Variants in LGSN observed in about 807,000 individuals in gnomAD.
The protein encoded by LGSN is lengsin.
In LGSN, 21 loss-of-function variants were observed where a neutral mutation model predicts 19.5. That is an observed-to-expected ratio of 1.07 (90% CI 0.76 to 1.55). The LOEUF is 1.55. LGSN is among the 40% of genes most tolerant of loss of function. LGSN has a pLI of 0.00. For missense variants in LGSN, 673 were observed against 608.5 expected (o/e 1.11, Z -1.12); for synonymous variants, 257 against 215.6 (o/e 1.19, Z -1.68).
chr6:63,292,004 T>C (rs981119293), intron 2 of LGSN, among the ~76,000 whole-genome samples: 1 of 152,158 alleles, frequency 6.6e-6, no homozygotes, highest in African/African-American at 2.4e-5. Flanking sequence ...TGAGAAGGAT[T>C]TGAGGCATTG....
the LGSN span, among the ~76,000 whole-genome samples, chr6:63,572,996 G>C: frequency 2.0e-5 from 3 of 152,136 alleles, no homozygotes; most frequent in Admixed American, 2.0e-4. Context: ...GGAGCGACGG[G>C]GGCGGCGCGG....
At chr6:63,446,153 G>T in the LGSN span, among the ~76,000 whole-genome samples, 1 of 151,096 alleles carries the variant, frequency 6.6e-6, no homozygotes, top group East Asian at 1.9e-4. Context: ...AGGAGGCTGA[G>T]GCAGGAGAAT....
chr6:63,361,330 T>C, the LGSN span, among the ~76,000 whole-genome samples: 2 of 152,164 alleles, frequency 1.3e-5, no homozygotes, highest in Non-Finnish European at 2.9e-5. Flanking sequence ...GGCTGCTTTG[T>C]TTACCTACTC....
At chr6:63,515,219 T>G in the LGSN span, among the ~76,000 whole-genome samples, 1 of 32,956 alleles carries the variant, frequency 3.0e-5, no homozygotes, top group East Asian at 8.5e-4. Flanking sequence ...AAAAGTTTTT[T>G]TGTTTGTTTG....
the LGSN span, among the ~76,000 whole-genome samples, chr6:63,339,291 A>C: frequency 6.6e-6 from 1 of 152,158 alleles, no homozygotes; most frequent in Non-Finnish European, 1.5e-5. Flanking sequence ...CCTAACTGTA[A>C]TTGTATTGGA....
the LGSN span, among the ~76,000 whole-genome samples, chr6:63,409,604 T>A: frequency 6.6e-6 from 1 of 152,322 alleles, no homozygotes; most frequent in Admixed American, 6.5e-5. Flanking sequence ...AAGACAAAAA[T>A]TCTGATATTT....
chr6:63,354,480 G>C, the LGSN span, among the ~76,000 whole-genome samples: 1 of 152,006 alleles, frequency 6.6e-6, no homozygotes, highest in African/African-American at 2.4e-5. Context: ...TTATTAAAAA[G>C]ACAAAAATAT....
chr6:63,559,482 C>T, the LGSN span, among the ~76,000 whole-genome samples: 5 of 152,174 alleles, frequency 3.3e-5, no homozygotes, highest in African/African-American at 1.2e-4. Flanking sequence ...TGCAGTGGCT[C>T]ACACCTGTAA....
the LGSN span, among the ~76,000 whole-genome samples, chr6:63,442,391 C>T: frequency 3.3e-5 from 5 of 152,204 alleles, no homozygotes; most frequent in Admixed American, 1.3e-4. Context: ...CTTATCTGGC[C>T]CCACCCACAT....
At chr6:63,551,645 T>C in the LGSN span, among the ~76,000 whole-genome samples, 1 of 152,248 alleles carries the variant, frequency 6.6e-6, no homozygotes, top group Non-Finnish European at 1.5e-5. Context: ...CATTAACTTG[T>C]CGTTTACATT....
At chr6:63,434,721 CA>C in the LGSN span, among the ~76,000 whole-genome samples, 1 of 151,874 alleles carries the variant, frequency 6.6e-6, no homozygotes, top group Non-Finnish European at 1.5e-5. Context: ...ACCCAAAACC[CA>C]TTCCCCTCTC....
At chr6:63,499,414 G>A in the LGSN span, among the ~76,000 whole-genome samples, 1 of 152,122 alleles carries the variant, frequency 6.6e-6, no homozygotes, top group Non-Finnish European at 1.5e-5. Context: ...AATGGGAAGA[G>A]TAATCCCTAA....
the LGSN span, among the ~76,000 whole-genome samples, chr6:63,398,207 TAAAAA>T: frequency 8.2e-5 from 9 of 109,744 alleles, no homozygotes; most frequent in African/African-American, 2.3e-4. Flanking sequence ...TCCTATTTAC[TAAAAA>T]AAAAAAAAAA....
At chr6:63,391,004 T>C in the LGSN span, among the ~76,000 whole-genome samples, 4 of 152,178 alleles carry the variant, frequency 2.6e-5, no homozygotes, top group Admixed American at 1.3e-4. Context: ...TACCTTCTCT[T>C]TGGATAAAAG....
At chr6:63,356,084 C>T in the LGSN span, among the ~76,000 whole-genome samples, 28 of 152,162 alleles carry the variant, frequency 1.8e-4, 1 homozygote, top group South Asian at 2.9e-3. Context: ...ATAAGGACAC[C>T]GGTTATATTG....
At chr6:63,295,706 C>T (rs1193552577) in intron 1 of LGSN, among the ~76,000 whole-genome samples, 2 of 152,132 alleles carry the variant, frequency 1.3e-5, no homozygotes, top group East Asian at 1.9e-4. Context: ...AGTTATAATC[C>T]TTGACATGAC....
the LGSN span, among the ~76,000 whole-genome samples, chr6:63,463,813 GT>G: frequency 6.6e-6 from 1 of 152,116 alleles, no homozygotes; most frequent in Non-Finnish European, 1.5e-5. Context: ...ATAACAAAGT[GT>G]TTTGAATATA....
chr6:63,566,522 C>T, the LGSN span, among the ~76,000 whole-genome samples: 12 of 152,062 alleles, frequency 7.9e-5, no homozygotes, highest in African/African-American at 1.2e-4. Flanking sequence ...TGATTTTGGT[C>T]AAGACACAGA....
chr6:63,399,647 C>T, the LGSN span, among the ~76,000 whole-genome samples: 1 of 151,790 alleles, frequency 6.6e-6, no homozygotes, highest in Admixed American at 6.6e-5. Context: ...CCACCCGCCT[C>T]GGCCTCCCAA....
Sources: allele counts gnomAD v4.1 joint callset (sites outside exome capture counted in the v4.1 genomes callset), GRCh38; gene constraint gnomAD v4.1.1; transcripts MANE v1.5; gene names NCBI Gene and HGNC (gene_info 2026-07-23, HGNC 2026-07-21).